Variants in SUZ12 observed in about 807,000 individuals in gnomAD.
SUZ12 encodes the protein polycomb protein SUZ12.
SUZ12 carries 17 observed loss-of-function variants against 87.3 expected under a neutral mutation model. The ratio of observed to expected loss-of-function variants is 0.19; its 90% CI spans 0.13 to 0.29. The LOEUF (loss-of-function observed/expected upper bound fraction) is 0.29. Among genes scored for constraint, SUZ12 ranks in the 10% least tolerant of loss-of-function variants. The pLI is 1.00. For missense variants in SUZ12, 526 were observed against 912.2 expected (o/e 0.58, Z 5.45); for synonymous variants, 253 against 312.4 (o/e 0.81, Z 2.01).
chr17:31,953,191 C>T (rs187952366), intron 4 of SUZ12, among the ~76,000 whole-genome samples: 53 of 152,060 alleles, frequency 3.5e-4, no homozygotes, highest in Non-Finnish European at 6.0e-4. Flanking sequence ...CTGCAACCTC[C>T]GCCTCCCAGG....
At chr17:31,946,579 G>T (rs188427536) in intron 3 of SUZ12, among the ~76,000 whole-genome samples, 37 of 152,210 alleles carry the variant, frequency 2.4e-4, no homozygotes, top group Non-Finnish European at 4.7e-4. Context: ...CTCTCTTTGA[G>T]GAATGAGATT....
intron 4 of SUZ12, among the ~76,000 whole-genome samples, chr17:31,961,735 T>A (rs1366383340): frequency 1.3e-5 from 2 of 152,218 alleles, no homozygotes; most frequent in Non-Finnish European, 2.9e-5. Flanking sequence ...TGACCTCAGT[T>A]TGTAGACAAC....
chr17:31,986,410 T>G (rs1909423652), intron 9 of SUZ12, among the ~76,000 whole-genome samples: 1 of 152,238 alleles, frequency 6.6e-6, no homozygotes, highest in South Asian at 2.1e-4. Context: ...TTTGATTTTT[T>G]TTAATCTTGT....
chr17:31,986,194 GGCATCCCAAAGT>G (rs1318722736), intron 9 of SUZ12, among the ~76,000 whole-genome samples: 1 of 152,130 alleles, frequency 6.6e-6, no homozygotes, highest in African/African-American at 2.4e-5. Context: ...CACCCACTTC[GGCATCCCAAAGT>G]GCTGGGATTA....
intron 8 of SUZ12, among the ~76,000 whole-genome samples, chr17:31,980,095 G>A (rs1373639202): frequency 1.3e-5 from 2 of 151,876 alleles, no homozygotes; most frequent in African/African-American, 2.4e-5. Context: ...AGTCCAAGGC[G>A]GGAAGACTAT....
At chr17:31,991,549 T>TC (rs961393286) in intron 10 of SUZ12, among the ~76,000 whole-genome samples, 6 of 151,968 alleles carry the variant, frequency 3.9e-5, no homozygotes, top group African/African-American at 1.5e-4. Context: ...TACCTTTTTT[T>TC]CTTATATCTG....
At chr17:31,993,770 T>C in intron 11 of SUZ12, 95 bp from the exon 12 acceptor site, 1 of 1,286,512 alleles carries the variant, frequency 7.8e-7, no homozygotes, top group East Asian at 2.5e-5. Context: ...ATTTTCCGCT[T>C]AAATTTTTTA....
chr17:31,945,081 AAAAGT>A (rs1489725381), intron 3 of SUZ12, among the ~76,000 whole-genome samples: 6 of 151,180 alleles, frequency 4.0e-5, no homozygotes, highest in Admixed American at 4.0e-4. Flanking sequence ...AAAAAAAAAA[AAAAGT>A]ATGGGAATCA....
At chr17:31,990,250 G>A (rs1909653226) in intron 10 of SUZ12, among the ~76,000 whole-genome samples, 1 of 149,576 alleles carries the variant, frequency 6.7e-6, no homozygotes, top group Non-Finnish European at 1.5e-5. Context: ...TGAGATTACA[G>A]GCGTGACCCA....
intron 1 of SUZ12, among the ~76,000 whole-genome samples, chr17:31,938,433 C>G (rs1284422701): frequency 6.6e-6 from 1 of 152,164 alleles, no homozygotes; most frequent in African/African-American, 2.4e-5. Flanking sequence ...TTCACTGTGG[C>G]ATATGTTAAG....
chr17:31,979,103 C>CA (rs61307349), intron 8 of SUZ12, among the ~76,000 whole-genome samples: 9,599 of 64,086 alleles, frequency 0.15, 609 homozygotes, highest in East Asian at 0.28. Context: ...ACTGTGTCTC[C>CA]AAAAAAAAAA....
chr17:31,939,257 C>T (rs1366137773), intron 1 of SUZ12, among the ~76,000 whole-genome samples: 3 of 151,838 alleles, frequency 2.0e-5, no homozygotes, highest in Admixed American at 6.6e-5. Context: ...AGTTTGTGTC[C>T]GAGATTCATT....
At chr17:31,947,759 A>G (rs1420196536) in intron 4 of SUZ12, 74 bp downstream of exon 4, 13 of 1,432,468 alleles carry the variant, frequency 9.1e-6, no homozygotes, top group Non-Finnish European at 1.1e-5. Context: ...TCATTTTCCT[A>G]GTGATCACCT....
At chr17:31,995,838 C>T in intron 14 of SUZ12, 76 bp downstream of exon 14, 3 of 1,034,146 alleles carry the variant, frequency 2.9e-6, no homozygotes, top group South Asian at 3.3e-5. Context: ...ATGAACTAGA[C>T]TTTTATTGTA....
At chr17:31,963,520 CAG>C (rs1181973387) in intron 4 of SUZ12, among the ~76,000 whole-genome samples, 9 of 147,716 alleles carry the variant, frequency 6.1e-5, no homozygotes, top group African/African-American at 2.0e-4. Flanking sequence ...TTTTTTGAGA[CAG>C]AGTCTCACTC....
rs777091557 is a variant in SUZ12, at chr17:31,976,613, A to G, written c.916A>G (p.Arg306Gly). 1.2e-6 allele frequency: 2 copies of G among 1,607,288 alleles called. No individual in the cohort carries two copies. Among genetic ancestry groups the G allele is most frequent in the Admixed American group, 1.7e-5 (1 of 59,698 alleles). Residue 306 changes from arginine to glycine, a missense_variant and splice_region_variant, in exon 8 of 16, where the codon AGG (arginine) becomes GGG (glycine). Arg to Gly is a moderately radical substitution (Grantham distance 125, BLOSUM62 -2). Transcript: ENST00000322652. The stretch of plus-strand genomic sequence containing the variant: ...ACAAATGACAGTATTTGATAAAAAC[A>G]GGTAATGTTGATGAACAAGTGAGGC... ...VAQMTVFDKN[R>G]RLQLLDGEYE... is the part of the protein sequence containing the mutation.
At chr17:31,942,080 C>G (rs1906328339) in intron 3 of SUZ12, among the ~76,000 whole-genome samples, 1 of 152,092 alleles carries the variant, frequency 6.6e-6, no homozygotes, top group Non-Finnish European at 1.5e-5. Context: ...TCTCAAACTC[C>G]TGACTTCAAG....
rs141367436 is a variant in SUZ12, at chr17:31,991,231, G to A, written c.1202-2011G>A. ...AGATTAAAGAGATATAAGAAATGGG[G>A]CCGGGCGCAGTGGCTGACATCTGTA... On this transcript the variant is annotated intron_variant, in intron 10 of 15. Transcript: ENST00000322652. 9.5e-4 allele frequency among the ~76,000 whole-genome samples: 145 copies of A among 152,188 alleles called. 1 individual carries two copies. Among genetic ancestry groups the A allele is most frequent in the Non-Finnish European group, 1.7e-3 (117 of 68,032 alleles).
intron 4 of SUZ12, among the ~76,000 whole-genome samples, chr17:31,953,488 G>A (rs2142138394): frequency 6.6e-6 from 1 of 152,182 alleles, no homozygotes; most frequent in South Asian, 2.1e-4. Flanking sequence ...GGTCACTGAT[G>A]GATTGAACTT....
Sources: gnomAD v4.1 joint callset for allele counts (sites outside exome capture counted in the v4.1 genomes callset) on GRCh38, gnomAD v4.1.1 for gene constraint, MANE v1.5 for transcripts, NCBI Gene and HGNC (gene_info 2026-07-23, HGNC 2026-07-21) for gene names.